TCP11L1: variants seen among roughly 807,000 people sequenced by gnomAD.
The protein encoded by TCP11L1 is T-complex protein 11-like protein 1.
TCP11L1 carries 28 observed loss-of-function variants against 48.9 expected under a neutral mutation model. That is an observed-to-expected ratio of 0.57 (90% CI 0.42 to 0.78). The LOEUF (loss-of-function observed/expected upper bound fraction) is 0.78. Ranked by LOEUF, TCP11L1 falls within the 30% of genes least tolerant of loss-of-function variation. TCP11L1 has a pLI of 0.00. For missense variants in TCP11L1, 505 were observed against 613.4 expected, an observed-to-expected ratio of 0.82 and a Z score of 1.87; for synonymous variants, 204 against 231.9, an observed-to-expected ratio of 0.88 and a Z score of 1.09.
intron 2 of TCP11L1, among the ~76,000 whole-genome samples, chr11:33,046,526 A>G (rs181601736): frequency 1.5e-3 from 224 of 152,328 alleles, no homozygotes; most frequent in African/African-American, 5.2e-3. Flanking sequence ...TTGTATATGC[A>G]TGTTTTTAGG....
intron 1 of TCP11L1, among the ~76,000 whole-genome samples, chr11:33,041,742 C>A (rs1278660382): frequency 8.0e-5 from 12 of 149,652 alleles, no homozygotes; most frequent in Non-Finnish European, 3.0e-5. Flanking sequence ...GGGAACAGTG[C>A]AAGAGTCTGT....
At chr11:33,048,198 A>G (rs371257124) in intron 2 of TCP11L1, among the ~76,000 whole-genome samples, 2 of 115,036 alleles carry the variant, frequency 1.7e-5, no homozygotes, top group African/African-American at 6.9e-5. Flanking sequence ...TTTTTTTTTA[A>G]GACCGGATCA....
intron 8 of TCP11L1, among the ~76,000 whole-genome samples, chr11:33,066,821 T>A (rs1285068029): frequency 6.6e-6 from 1 of 152,190 alleles, no homozygotes; most frequent in African/African-American, 2.4e-5. Flanking sequence ...ACAAAAATGT[T>A]TGTGACTAGG....
chr11:33,068,754 C>T lies in TCP11L1; in HGVS notation c.1222C>T (p.Leu408Phe). The T allele has an allele frequency of 1.9e-6, 3 of 1,614,158 alleles. No homozygotes were observed. The highest frequency in any genetic ancestry group is 2.5e-6 in the Non-Finnish European group (3 of 1,180,024). ...GGTGTGCCTGGAGGTGAGCAGCTGC[C>T]TCTCCCTGTGTGGGTCCTCTCCCTT... The part of the protein sequence containing the change: ...EKVCLEVSSC[L>F]SLCGSSPFTT... Residue 408 changes from leucine (L) to phenylalanine (F), a missense_variant, in exon 9 of 10, where the codon CTC becomes TTC. Transcript: ENST00000334274.
intron 8 of TCP11L1, among the ~76,000 whole-genome samples, chr11:33,068,442 G>A (rs1201068650): frequency 6.6e-6 from 1 of 152,012 alleles, no homozygotes; most frequent in African/African-American, 2.4e-5. Flanking sequence ...TTGGGTCGTT[G>A]GTCCTGGTAT....
chr11:33,041,961 A>G (rs1319306539), intron 1 of TCP11L1, among the ~76,000 whole-genome samples: 1 of 152,184 alleles, frequency 6.6e-6, no homozygotes, highest in East Asian at 1.9e-4. Flanking sequence ...AGAAAGTCTA[A>G]TTAGTGTTTA....
intron 5 of TCP11L1, among the ~76,000 whole-genome samples, chr11:33,058,460 A>G (rs1854377274): frequency 1.3e-5 from 2 of 151,970 alleles, no homozygotes; most frequent in African/African-American, 2.4e-5. Context: ...GGCCTCCCAA[A>G]GTGCTGGGAT....
chr11:33,042,270 AC>A (rs1325176495), intron 1 of TCP11L1, among the ~76,000 whole-genome samples: 1 of 152,158 alleles, frequency 6.6e-6, no homozygotes, highest in Non-Finnish European at 1.5e-5. Flanking sequence ...ATTTGGGACT[AC>A]AGGCACCGCC....
intron 1 of TCP11L1, among the ~76,000 whole-genome samples, chr11:33,042,118 C>T (rs188298804): frequency 5.4e-4 from 82 of 151,914 alleles, no homozygotes; most frequent in Middle Eastern, 3.4e-3. Flanking sequence ...GTAATTAAAA[C>T]AGGGTTTTTT....
Position 33,043,907 on chromosome 11 carries a change from C to G in TCP11L1, c.134C>G (p.Ser45Cys), listed in dbSNP as rs758648601. The change falls in exon 2 of 10, where the codon TCC (serine) becomes TGC (cysteine). Residue 45 changes from serine to cysteine, a missense_variant. Transcript: ENST00000334274. The stretch of plus-strand genomic sequence containing the variant: ...CAAAAAGCAATAAAGTCAGACTCCT[C>G]CAGCCCCCAAAGAGTGCAGAGACCT... ...ALQKAIKSDS[S>C]SPQRVQRPHS... is the part of the protein sequence containing the mutation. 3.7e-6 allele frequency: 6 copies of G among 1,613,060 alleles called. No homozygotes were observed. Among genetic ancestry groups the G allele is most frequent in the Non-Finnish European group, 5.1e-6 (6 of 1,179,652 alleles).
chr11:33,054,890 G>C (rs1057356272), intron 3 of TCP11L1, among the ~76,000 whole-genome samples, 165 bp downstream of exon 3: 9 of 152,204 alleles, frequency 5.9e-5, no homozygotes, highest in Non-Finnish European at 1.3e-4. Context: ...TCAAATAAAA[G>C]CTCTAAAAAT....
At chr11:33,072,146 T>C (rs146207375) in intron 9 of TCP11L1, among the ~76,000 whole-genome samples, 65 of 152,206 alleles carry the variant, frequency 4.3e-4, no homozygotes, top group African/African-American at 1.5e-3. Context: ...GCCTGGCCAC[T>C]CATGCATTCA....
At chr11:33,050,150 G>A (rs1333613773) in intron 2 of TCP11L1, among the ~76,000 whole-genome samples, 1 of 152,192 alleles carries the variant, frequency 6.6e-6, no homozygotes, top group Non-Finnish European at 1.5e-5. Context: ...TGTGAGCACA[G>A]GGTTGGGACA....
chr11:33,059,830 G>A (rs1564983049), intron 6 of TCP11L1, among the ~76,000 whole-genome samples: 1 of 152,206 alleles, frequency 6.6e-6, no homozygotes, highest in Non-Finnish European at 1.5e-5. Context: ...GTCTGAGGTA[G>A]TGCTGGGGCC....
chr11:33,045,931 A>G (rs1278368836), intron 2 of TCP11L1, among the ~76,000 whole-genome samples: 2 of 152,246 alleles, frequency 1.3e-5, no homozygotes. Context: ...TCTTTGCAGC[A>G]TATGGAACAT....
chr11:33,060,917 G>T (rs1308915056), intron 6 of TCP11L1, among the ~76,000 whole-genome samples: 1 of 152,100 alleles, frequency 6.6e-6, no homozygotes, highest in East Asian at 1.9e-4. Context: ...TAAATACCAG[G>T]TGGGTGGCAA....
chr11:33,053,125 T>C (rs1172206925), intron 2 of TCP11L1, among the ~76,000 whole-genome samples: 7 of 151,344 alleles, frequency 4.6e-5, no homozygotes. Context: ...GGCTAAAGTT[T>C]GAGAATTGCT....
intron 8 of TCP11L1, among the ~76,000 whole-genome samples, chr11:33,067,501 C>T (rs1357749024): frequency 6.6e-6 from 1 of 152,214 alleles, no homozygotes; most frequent in Non-Finnish European, 1.5e-5. Context: ...AACTTGTTTG[C>T]TCAGCTGAGG....
intron 7 of TCP11L1, among the ~76,000 whole-genome samples, chr11:33,062,741 G>A (rs1434647478): frequency 2.0e-5 from 3 of 152,192 alleles, no homozygotes; most frequent in Non-Finnish European, 4.4e-5. Context: ...GGACTAATCC[G>A]GGTACTTAAT....
Sources: allele counts gnomAD v4.1 joint callset (sites outside exome capture counted in the v4.1 genomes callset), GRCh38; gene constraint gnomAD v4.1.1; transcripts MANE v1.5; gene names NCBI Gene and HGNC (gene_info 2026-07-23, HGNC 2026-07-21).